Variants in ZNF469 observed in about 807,000 individuals in gnomAD.
ZNF469 encodes zinc finger protein 469.
A neutral mutation model predicts 1.0 loss-of-function variants in ZNF469; 1 was observed. The observed-to-expected ratio is 1.00, with a 90% confidence interval of 0.35 to 4.73. ZNF469 has a LOEUF of 4.73. ZNF469 is among the 30% of genes most tolerant of loss of function. The probability of loss-of-function intolerance (pLI) is 0.16; values close to 1 mark genes in which losing one functional copy is unlikely to be tolerated. For synonymous variants in ZNF469, 2,703 were observed against 2,363.4 expected, an observed-to-expected ratio of 1.14 and a Z score of -4.17; for missense variants, 6,100 against 5,356.3, an observed-to-expected ratio of 1.14 and a Z score of -4.33.
chr16:88,215,893 A>G, the ZNF469 span, among the ~76,000 whole-genome samples: 32 of 151,930 alleles, frequency 2.1e-4, no homozygotes, highest in Non-Finnish European at 3.5e-4. Context: ...TATACTTTAA[A>G]CCCCACAATC....
chr16:88,333,573 C>T, the ZNF469 span, among the ~76,000 whole-genome samples: 21 of 152,256 alleles, frequency 1.4e-4, no homozygotes, highest in African/African-American at 4.1e-4. Flanking sequence ...GGAAGAGGGG[C>T]CCACGGGTGA....
chr16:88,414,619 G>C (rs1166146480), intron 1 of ZNF469, among the ~76,000 whole-genome samples: 1 of 152,270 alleles, frequency 6.6e-6, no homozygotes, highest in Admixed American at 6.5e-5. Flanking sequence ...GGCAGGCCCT[G>C]TGGCCTCAGG....
At chr16:88,198,600 C>T in the ZNF469 span, among the ~76,000 whole-genome samples, 6 of 152,216 alleles carry the variant, frequency 3.9e-5, no homozygotes, top group Non-Finnish European at 8.8e-5. Flanking sequence ...AGTGACAGGG[C>T]AGGCCCACCT....
chr16:88,437,774 G>T lies in ZNF469; in HGVS notation c.10304G>T (p.Arg3435Leu). 2 of 1,549,492 alleles carry T rather than the reference G, an allele frequency of 1.3e-6. No homozygotes were observed. The highest frequency in any genetic ancestry group is 1.2e-5 in the South Asian group (1 of 84,050). The change falls in exon 3 of 3, where the codon CGC (arginine) becomes CTC (leucine). Residue 3435 changes from arginine to leucine, a missense_variant. By Grantham distance (102) the Arg-to-Leu change is moderately radical. Coordinates refer to ENST00000565624, the MANE Select transcript of ZNF469 (RefSeq NM_001367624.2). ...YTFAKKEQFD[R>L]HMNKHLRGGR... Reference sequence around the variant, plus strand: ...TTCGCCAAGAAGGAGCAGTTCGACCGCCACATGAACAAGCACCTCAGGGGG... The same window carrying T: ...TTCGCCAAGAAGGAGCAGTTCGACCTCCACATGAACAAGCACCTCAGGGGG...
the ZNF469 span, among the ~76,000 whole-genome samples, chr16:88,208,304 C>A: frequency 6.6e-6 from 1 of 151,746 alleles, no homozygotes; most frequent in East Asian, 1.9e-4. Flanking sequence ...CAATCTGGCG[C>A]TTTCCCTGTC....
At chr16:88,256,900 T>TC in the ZNF469 span, among the ~76,000 whole-genome samples, 8 of 18,166 alleles carry the variant, frequency 4.4e-4, no homozygotes, top group Non-Finnish European at 6.4e-4. Flanking sequence ...CTTTCCTTCT[T>TC]TCTTTCTTTC....
Position 88,430,753 on chromosome 16 carries a change from GCCTCGGAGT to G in ZNF469, c.3286_3294del (p.Ser1096_Ser1098del), listed in dbSNP as rs986813103. The G allele has an allele frequency of 4.6e-6, 7 of 1,507,452 alleles. No homozygotes were observed. Among genetic ancestry groups the G allele is most frequent in the African/African-American group, 1.4e-5 (1 of 70,906 alleles). 93.4% of individuals were successfully genotyped at this position (1,507,452 alleles called of 1,614,324 possible). ...CCGCAGGCTCCGCGAGTACGACTTC[GCCTCGGAGT>G]CCGAGGAGGACGAGCAGCCTCCGCC... On this transcript the variant is annotated inframe_deletion, in exon 3 of 3. Transcript: ENST00000565624.
At chr16:88,219,306 G>A in the ZNF469 span, among the ~76,000 whole-genome samples, 13 of 145,452 alleles carry the variant, frequency 8.9e-5, no homozygotes, top group South Asian at 7.1e-4. Flanking sequence ...AGCCCGCATT[G>A]CCAAGTCAAT....
At chr16:88,194,583 C>A in the ZNF469 span, 1 of 152,312 alleles carries the variant, frequency 6.6e-6, no homozygotes, top group Non-Finnish European at 1.5e-5. Context: ...TGGCCCTTCC[C>A]GGTCCTGGGC....
At chr16:88,149,490 C>T in the ZNF469 span, among the ~76,000 whole-genome samples, 12 of 152,230 alleles carry the variant, frequency 7.9e-5, no homozygotes, top group Admixed American at 3.3e-4. Flanking sequence ...GAGATGGGCG[C>T]ATCCCTGAAC....
At chr16:88,286,935 G>C in the ZNF469 span, among the ~76,000 whole-genome samples, 1 of 152,204 alleles carries the variant, frequency 6.6e-6, no homozygotes, top group Non-Finnish European at 1.5e-5. Flanking sequence ...AGCCACATCA[G>C]GGGGAGTGTG....
the ZNF469 span, among the ~76,000 whole-genome samples, chr16:88,312,789 T>G: frequency 6.6e-6 from 1 of 152,244 alleles, no homozygotes; most frequent in African/African-American, 2.4e-5. Flanking sequence ...TCTGCCTTGT[T>G]CCACTGATGG....
At chr16:88,138,348 A>G in the ZNF469 span, among the ~76,000 whole-genome samples, 5 of 152,116 alleles carry the variant, frequency 3.3e-5, no homozygotes, top group Non-Finnish European at 7.4e-5. Flanking sequence ...ATGCCACACC[A>G]AAGTCTTGGC....
the ZNF469 span, among the ~76,000 whole-genome samples, chr16:88,343,687 C>A: frequency 6.6e-6 from 1 of 152,046 alleles, no homozygotes; most frequent in Non-Finnish European, 1.5e-5. Context: ...TGGCTCAGGT[C>A]TCTCTTCTCC....
At chr16:88,135,748 G>GTTTTATTCTTTTTTTT in the ZNF469 span, among the ~76,000 whole-genome samples, 11 of 66,930 alleles carry the variant, frequency 1.6e-4, 5 homozygotes, top group Middle Eastern at 0.028. Context: ...AGCTGGCCAT[G>GTTTTATTCTTTTTTTT]TTTTTTTTTT....
the ZNF469 span, among the ~76,000 whole-genome samples, chr16:88,338,199 T>G: frequency 6.6e-6 from 1 of 152,036 alleles, no homozygotes; most frequent in Non-Finnish European, 1.5e-5. Flanking sequence ...GCGCCTCCAA[T>G]CGCCTGGGGA....
chr16:88,362,225 AT>A, the ZNF469 span, among the ~76,000 whole-genome samples: 1 of 152,220 alleles, frequency 6.6e-6, no homozygotes. Context: ...ACCAATTCCA[AT>A]GGTATACAAT....
Position 88,435,255 on chromosome 16 carries a change from C to G in ZNF469, c.7785C>G (p.Asp2595Glu), listed in dbSNP as rs1906487284. 1.3e-6 allele frequency: 2 copies of G among 1,550,368 alleles called. No homozygotes were observed. Among genetic ancestry groups the G allele is most frequent in the Non-Finnish European group, 8.7e-7 (1 of 1,146,988 alleles). ...CTCCGGCCTCCAAGCCCAGACCAGA[C>G]CAGGCCAGGGAAGATGAGCTGCATC... ...VKTPASKPRP[D>E]QAREDELHPK... Residue 2595 changes from aspartate (D) to glutamate (E), a missense_variant, in exon 3 of 3, where the codon GAC (aspartate) becomes GAG (glutamate). Physicochemically the swap from Asp to Glu is conservative, Grantham distance 45 (BLOSUM62 2). Coordinates refer to ENST00000565624, the MANE Select transcript of ZNF469 (RefSeq NM_001367624.2).
At chr16:88,293,789 A>T in the ZNF469 span, among the ~76,000 whole-genome samples, 4 of 152,126 alleles carry the variant, frequency 2.6e-5, no homozygotes, top group South Asian at 8.3e-4. Context: ...TCCAATTAGG[A>T]TGGGTGCATG....
Sources: gnomAD v4.1 joint callset for allele counts (sites outside exome capture counted in the v4.1 genomes callset) on GRCh38, gnomAD v4.1.1 for gene constraint, MANE v1.5 for transcripts, NCBI Gene and HGNC (gene_info 2026-07-23, HGNC 2026-07-21) for gene names.